The following ORC5 variants were observed in gnomAD, a reference collection of about 807,000 sequenced individuals.
ORC5 encodes protein phosphatase 1, regulatory subunit 117.
ORC5 carries 39 observed loss-of-function variants against 58.8 expected under a neutral mutation model. That is an observed-to-expected ratio of 0.66 (90% confidence interval 0.51 to 0.87). The LOEUF is 0.87. Among genes scored for constraint, ORC5 ranks in the 40% least tolerant of loss-of-function variants. The pLI is 0.00. For synonymous variants in ORC5, 218 were observed against 177.6 expected (o/e 1.23, Z -1.81); for missense variants, 493 against 506.3 (o/e 0.97, Z 0.25).
intron 12 of ORC5, among the ~76,000 whole-genome samples, chr7:104,147,404 T>C (rs1798774212): frequency 2.0e-5 from 3 of 152,342 alleles, no homozygotes; most frequent in South Asian, 4.1e-4. Flanking sequence ...TTATATATTT[T>C]TGAATGATAA....
rs1213541277 is a variant in ORC5 at position 104,133,668 on chromosome 7, G to A, written c.1262+3113C>T. 2.0e-5 allele frequency among the ~76,000 whole-genome samples: 3 copies of A among 152,116 alleles called. 1 individual carries two copies. The highest frequency in any genetic ancestry group is 4.8e-5 in the African/African-American group (2 of 41,374). ...AGATGATTGTTGAAGTCACAGGTGT[G>A]GCTCAAGTTGCCTAGGGAAAAAAAT... On this transcript the variant is annotated intron_variant, in intron 13 of 13. Coordinates refer to ENST00000297431, the MANE Select transcript of ORC5 (RefSeq NM_002553.4). The surrounding 1 kb of genome is among the most constrained non-coding windows in gnomAD (Gnocchi z 4.7).
At chr7:104,198,740 G>C (rs891428621) in intron 3 of ORC5, among the ~76,000 whole-genome samples, 6 of 152,238 alleles carry the variant, frequency 3.9e-5, no homozygotes, top group Non-Finnish European at 7.3e-5. Context: ...ATGTGCATAA[G>C]TAACAAGGAG....
intron 6 of ORC5, among the ~76,000 whole-genome samples, chr7:104,184,846 A>C (rs1404040916): frequency 6.6e-6 from 1 of 152,124 alleles, no homozygotes; most frequent in Non-Finnish European, 1.5e-5. Context: ...GTGACAGAGA[A>C]ACTTAGCACA....
rs892103807 is a variant in ORC5 at position 104,129,702 on chromosome 7, T to C, written c.1263-2809A>G. The stretch of plus-strand genomic sequence containing the variant: ...AATTTGCATGGATGTTCCCTGGCTT[T>C]CCATGGTCACAGATGCATATTATAG... On this transcript the variant is annotated intron_variant, in intron 13 of 13. Coordinates refer to ENST00000297431, the MANE Select transcript of ORC5 (RefSeq NM_002553.4). The surrounding 1 kb of genome is among the most constrained non-coding windows in gnomAD (Gnocchi z 4.9). 3.9e-5 allele frequency among the ~76,000 whole-genome samples: 6 copies of C among 152,222 alleles called. No individual in the cohort carries two copies. The highest frequency in any genetic ancestry group is 1.9e-4 in the East Asian group (1 of 5,200).
chr7:104,143,044 T>A (rs1421597941), intron 12 of ORC5, among the ~76,000 whole-genome samples: 1 of 152,196 alleles, frequency 6.6e-6, no homozygotes, highest in African/African-American at 2.4e-5. Flanking sequence ...GTATATTAAC[T>A]TCAACCCTTT....
Position 104,128,861 on chromosome 7 carries a change from A to G in ORC5, c.1263-1968T>C, listed in dbSNP as rs544450082. On this transcript the variant is annotated intron_variant, in intron 13 of 13. Coordinates refer to ENST00000297431, the MANE Select transcript of ORC5 (RefSeq NM_002553.4). The stretch of plus-strand genomic sequence containing the variant: ...GGGTCTTAGGTTATAAACCTAAAGT[A>G]ATATGGTAAAATGGACTTAATGTTG... 1.2e-3 allele frequency among the ~76,000 whole-genome samples: 178 copies of G among 152,070 alleles called. 1 individual carries two copies. Among genetic ancestry groups the G allele is most frequent in the Non-Finnish European group, 1.6e-3 (111 of 67,996 alleles).
intron 5 of ORC5, among the ~76,000 whole-genome samples, chr7:104,193,870 CT>C (rs1315991985): frequency 2.0e-5 from 3 of 151,732 alleles, no homozygotes; most frequent in Non-Finnish European, 4.4e-5. Context: ...TGTCCTCAAA[CT>C]TTCATCTATG....
chr7:104,168,464 C>G lies in ORC5; in HGVS notation c.877+9G>C, dbSNP rs1438415166. Reference sequence around the variant, plus strand: ...TCTCCGGTAACTGTCTCAATACTTCCTCTGATACCTTTCAGTTGCCCCGGA... The same window carrying G: ...TCTCCGGTAACTGTCTCAATACTTCGTCTGATACCTTTCAGTTGCCCCGGA... On this transcript the variant is annotated intron_variant, in intron 9 of 13. Transcript: ENST00000297431. The G allele has an allele frequency of 1.2e-6, 2 of 1,607,636 alleles. No homozygotes were observed. The highest frequency in any genetic ancestry group is 1.3e-5 in the African/African-American group (1 of 74,640).
chr7:104,134,666 AGGGTTT>A (rs1798562289), intron 13 of ORC5, among the ~76,000 whole-genome samples: 1 of 152,146 alleles, frequency 6.6e-6, no homozygotes, highest in Non-Finnish European at 1.5e-5. Context: ...CTGAGGGATT[AGGGTTT>A]GAGAAAATAC....
intron 12 of ORC5, among the ~76,000 whole-genome samples, chr7:104,158,887 A>C (rs181772977): frequency 0.043 from 6,541 of 151,882 alleles, 465 homozygotes; most frequent in African/African-American, 0.15. Context: ...GTGGGACTGT[A>C]AACTAGTTCA....
chr7:104,142,828 T>A (rs1443973259), intron 12 of ORC5, among the ~76,000 whole-genome samples: 2 of 152,144 alleles, frequency 1.3e-5, no homozygotes, highest in Non-Finnish European at 2.9e-5. Context: ...ACCTTTACTA[T>A]GAAAAGAAGA....
intron 12 of ORC5, among the ~76,000 whole-genome samples, chr7:104,140,534 G>T (rs898413390): frequency 2.0e-5 from 3 of 152,018 alleles, no homozygotes; most frequent in Non-Finnish European, 4.4e-5. Context: ...GTTTCTGGGG[G>T]ATCACAGAAT....
intron 12 of ORC5, among the ~76,000 whole-genome samples, chr7:104,152,178 T>C (rs1332818501): frequency 1.3e-5 from 2 of 152,152 alleles, no homozygotes; most frequent in Non-Finnish European, 2.9e-5. Flanking sequence ...GGATGGAGTC[T>C]TGCTCTGTCA....
chr7:104,130,408 T>C (rs1049080877), intron 13 of ORC5, among the ~76,000 whole-genome samples: 2 of 152,148 alleles, frequency 1.3e-5, no homozygotes, highest in Non-Finnish European at 2.9e-5. Context: ...TCAAAGGACA[T>C]AGTCTTTTCT....
chr7:104,201,693 C>T (rs990998121), intron 2 of ORC5, among the ~76,000 whole-genome samples: 2 of 150,106 alleles, frequency 1.3e-5, no homozygotes, highest in Non-Finnish European at 1.5e-5. Context: ...ATAGGAATTT[C>T]ACACTTATAA....
Position 104,190,953 on chromosome 7 carries a change from T to C in ORC5, c.554-2572A>G, listed in dbSNP as rs186472802. 1.4e-3 allele frequency among the ~76,000 whole-genome samples: 207 copies of C among 151,990 alleles called. 4 individuals carry two copies. Among genetic ancestry groups the C allele is most frequent in the Admixed American group, 7.0e-3 (106 of 15,228 alleles). ...GATCAAAAAATATATATGAACTATCTGAAAATTTATAAACAGAAGTTTAGA... is the reference window on the plus strand; with the variant it reads ...GATCAAAAAATATATATGAACTATCCGAAAATTTATAAACAGAAGTTTAGA... On this transcript the variant is annotated intron_variant, in intron 5 of 13. Transcript: ENST00000297431.
intron 8 of ORC5, among the ~76,000 whole-genome samples, chr7:104,174,276 G>A (rs1317105955): frequency 6.6e-6 from 1 of 152,114 alleles, no homozygotes; most frequent in Non-Finnish European, 1.5e-5. Context: ...TCTAAATGGT[G>A]GGCACAGCCT....
At chr7:104,187,851 T>C in intron 6 of ORC5, 1 of 988,430 alleles carries the variant, frequency 1.0e-6, no homozygotes, top group Non-Finnish European at 1.2e-6. Flanking sequence ...AATCACCGCA[T>C]ACATAAAACT....
chr7:104,180,584 T>C (rs1799412976), intron 8 of ORC5, among the ~76,000 whole-genome samples: 2 of 113,020 alleles, frequency 1.8e-5, no homozygotes, highest in African/African-American at 5.5e-5. Context: ...AATTAAATAT[T>C]TTTGACCTAG....
Sources: allele counts gnomAD v4.1 joint callset (sites outside exome capture counted in the v4.1 genomes callset), GRCh38; gene constraint gnomAD v4.1.1; non-coding constraint Gnocchi (gnomAD v3.1); transcripts MANE v1.5; gene names NCBI Gene and HGNC (gene_info 2026-07-23, HGNC 2026-07-21).